LY75: variants seen among roughly 807,000 people sequenced by gnomAD.
LY75 encodes lymphocyte antigen 75.
Under a neutral mutation model 231.7 loss-of-function variants are expected in LY75, and 185 were observed. The observed-to-expected ratio is 0.80, with a 90% CI of 0.71 to 0.90. The LOEUF is 0.90. LY75 is among the 40% of genes least tolerant of loss of function. The pLI is 0.00. For synonymous variants in LY75, 668 were observed against 689.0 expected, an observed-to-expected ratio of 0.97 and a Z score of 0.48; for missense variants, 1,947 against 2,050.2, an observed-to-expected ratio of 0.95 and a Z score of 0.97.
At chr2:159,899,209 C>G (rs1383084986) in intron 1 of LY75, 150 bp from the exon 2 acceptor site, 7 of 1,404,798 alleles carry the variant, frequency 5.0e-6, no homozygotes, top group Non-Finnish European at 6.7e-6. Context: ...AAAGGTGGGA[C>G]AGTGGTGAGC....
intron 30 of LY75, 84 bp downstream of exon 30, chr2:159,816,722 C>T: frequency 6.4e-7 from 1 of 1,557,592 alleles, no homozygotes; most frequent in Non-Finnish European, 8.7e-7. Context: ...TAATGTTGTA[C>T]TTTGTGTTAA....
intron 33 of LY75, chr2:159,808,245 C>T: frequency 1.3e-6 from 1 of 774,314 alleles, no homozygotes; most frequent in South Asian, 5.8e-5. Flanking sequence ...TTTTCTGTGT[C>T]ATTAGTGGTT....
rs758749140 is a variant in LY75, at chr2:159,834,186, T to G, written c.3699A>C (p.Pro1233=). Residue 1233 remains proline, a synonymous_variant, in exon 27 of 35, where the codon CCA becomes CCC. Transcript: ENST00000263636. ...GAGATGGACATTTAACACTGTCAACTGGTTTGACCTCTTTTTCAGTCTCAT... is the reference window on the plus strand; with the variant it reads ...GAGATGGACATTTAACACTGTCAACGGGTTTGACCTCTTTTTCAGTCTCAT... ...SGNETEKEVK[P]VDSVKCPSPV... The G allele has an allele frequency of 6.2e-7, 1 of 1,613,908 alleles. No homozygotes were observed. The highest frequency in any genetic ancestry group is 1.1e-5 in the South Asian group (1 of 91,054).
At chr2:159,816,030 C>T (rs182457510) in intron 30 of LY75, among the ~76,000 whole-genome samples, 496 of 152,276 alleles carry the variant, frequency 3.3e-3, no homozygotes, top group Non-Finnish European at 4.8e-3. Flanking sequence ...AAAAGAGAAA[C>T]ACTTCCCAAG....
intron 23 of LY75, among the ~76,000 whole-genome samples, chr2:159,845,619 A>C (rs1175094880): frequency 6.6e-6 from 1 of 152,020 alleles, no homozygotes; most frequent in Non-Finnish European, 1.5e-5. Flanking sequence ...TATAACAACT[A>C]TTTACATAGC....
chr2:159,853,860 T>C (rs1436923654), intron 18 of LY75, 163 bp from the exon 19 acceptor site: 3 of 414,012 alleles, frequency 7.2e-6, no homozygotes, highest in Non-Finnish European at 9.7e-6. Flanking sequence ...CAAAGAGTAG[T>C]TGAAATTTCT....
intron 21 of LY75, among the ~76,000 whole-genome samples, chr2:159,850,969 C>G (rs973924013): frequency 6.6e-6 from 1 of 150,994 alleles, no homozygotes; most frequent in Non-Finnish European, 1.5e-5. Flanking sequence ...AACTGAGGCA[C>G]AGGGACATTA....
Position 159,880,209 on chromosome 2 carries a change from C to T in LY75, c.1405-840G>A, listed in dbSNP as rs140575766. The stretch of plus-strand genomic sequence containing the variant: ...ATTAGGGGTCCACAGGAAAGTGATA[C>T]AAACAAAACGTAGAGGTACATATAT... On this transcript the variant is annotated intron_variant, in intron 8 of 34. Transcript: ENST00000263636. Among the ~76,000 whole-genome samples, 185 of 152,226 alleles carry T rather than the reference C, an allele frequency of 1.2e-3. No individual in the cohort carries two copies. The Middle Eastern group carries it at 0.051, about 42-fold the overall frequency.
intron 28 of LY75, among the ~76,000 whole-genome samples, chr2:159,822,062 A>G (rs1574529235): frequency 6.6e-6 from 1 of 152,090 alleles, no homozygotes; most frequent in African/African-American, 2.4e-5. Flanking sequence ...TCTGGTGCCT[A>G]CCCCACCAGG....
At chr2:159,848,067 T>C (rs1684256656) in intron 23 of LY75, among the ~76,000 whole-genome samples, 1 of 33,024 alleles carries the variant, frequency 3.0e-5, no homozygotes, top group African/African-American at 1.5e-4. Context: ...AATTATGGTG[T>C]GTATATATAT....
At chr2:159,880,385 G>T (rs187181797) in intron 8 of LY75, among the ~76,000 whole-genome samples, 1 of 152,144 alleles carries the variant, frequency 6.6e-6, no homozygotes, top group South Asian at 2.1e-4. Flanking sequence ...AAGTAGTATC[G>T]ATATAAAACA....
At chr2:159,892,317 A>G (rs1379704585) in intron 3 of LY75, among the ~76,000 whole-genome samples, 2 of 152,216 alleles carry the variant, frequency 1.3e-5, no homozygotes, top group Non-Finnish European at 2.9e-5. Context: ...CTACTCAATG[A>G]GTCAGCCTAG....
chr2:159,886,748 C>T (rs1320991033), intron 4 of LY75, among the ~76,000 whole-genome samples: 4 of 152,172 alleles, frequency 2.6e-5, no homozygotes, highest in Non-Finnish European at 4.4e-5. Flanking sequence ...TTCAGTTCTG[C>T]TCTCCTATTA....
In LY75 at chr2:159,804,920, C is replaced by T. The variant is rs1450869026; in HGVS notation, c.*124G>A. The T allele has an allele frequency of 1.6e-5, 11 of 702,664 alleles. No homozygotes were observed. The highest frequency in any genetic ancestry group is 2.3e-5 in the Non-Finnish European group (10 of 431,900). The allele number at this position is 702,664 out of a possible 1,614,324, so 43.5% of individuals were successfully genotyped here. A position where few individuals can be genotyped will look rare whatever the true frequency, so the allele number is the denominator to read the frequency against. The stretch of plus-strand genomic sequence containing the variant: ...GTGGATACCAGCACATGCCTAAGAT[C>T]TAAACAACTGAAAAAGTATTTAAGA... On this transcript the variant is annotated 3_prime_UTR_variant, in exon 35 of 35. Transcript: ENST00000263636.
Position 159,840,733 on chromosome 2 carries a change from T to G in LY75, c.3503A>C (p.Gln1168Pro). ...CAGTTGGGACTGAACACTTACATCT[T>G]GACTGAAGAGTCCGATCCATAAGGA... The part of the protein sequence containing the change: ...NSSLWIGLFS[Q>P]DDELNFGWSD... The change falls in exon 25 of 35, where the codon CAA becomes CCA. Residue 1168 changes from glutamine to proline, a missense_variant. Transcript: ENST00000263636. 1 of 1,613,980 alleles carries G rather than the reference T, an allele frequency of 6.2e-7. No homozygotes were observed. The highest frequency in any genetic ancestry group is 8.5e-7 in the Non-Finnish European group (1 of 1,179,932).
intron 23 of LY75, among the ~76,000 whole-genome samples, chr2:159,845,806 A>G (rs1381052353): frequency 6.6e-6 from 1 of 151,742 alleles, no homozygotes; most frequent in African/African-American, 2.4e-5. Context: ...ACACATACAC[A>G]CATTATGTAT....
chr2:159,853,578 T>G (rs886139933), intron 19 of LY75, 52 bp downstream of exon 19: 1 of 1,609,090 alleles, frequency 6.2e-7, no homozygotes, highest in African/African-American at 1.3e-5. Flanking sequence ...TAAAAGGAAC[T>G]GCTTCTTTTA....
chr2:159,832,103 A>G (rs1198753911), intron 27 of LY75, among the ~76,000 whole-genome samples: 1 of 152,198 alleles, frequency 6.6e-6, no homozygotes, highest in Admixed American at 6.5e-5. Flanking sequence ...AAATCCACCC[A>G]TAGTAATGAT....
At chr2:159,822,149 A>G (rs1245638640) in intron 28 of LY75, among the ~76,000 whole-genome samples, 1 of 152,106 alleles carries the variant, frequency 6.6e-6, no homozygotes. Flanking sequence ...TTTTTTCCCC[A>G]TACCCAAGTG....
Sources: gnomAD v4.1 joint callset for allele counts (sites outside exome capture counted in the v4.1 genomes callset) on GRCh38, gnomAD v4.1.1 for gene constraint, MANE v1.5 for transcripts, NCBI Gene and HGNC (gene_info 2026-07-23, HGNC 2026-07-21) for gene names.